Variants in PTPRQ observed in about 807,000 individuals in gnomAD.
PTPRQ encodes the protein phosphatidylinositol phosphatase PTPRQ.
PTPRQ carries 199 observed loss-of-function variants against 246.0 expected under a neutral mutation model. That is an observed-to-expected ratio of 0.81 (90% CI 0.72 to 0.91). The LOEUF (loss-of-function observed/expected upper bound fraction) is 0.91. Among genes scored for constraint, PTPRQ ranks in the 40% least tolerant of loss-of-function variants. The pLI, the probability that PTPRQ is intolerant of heterozygous loss-of-function variation, is 0.00. For missense variants in PTPRQ, 2,624 were observed against 2,528.4 expected, an observed-to-expected ratio of 1.04 and a Z score of -0.81; for synonymous variants, 869 against 853.2, an observed-to-expected ratio of 1.02 and a Z score of -0.32.
chr12:80,540,331 C>G (rs978759583), intron 20 of PTPRQ, among the ~76,000 whole-genome samples: 2 of 152,192 alleles, frequency 1.3e-5, no homozygotes, highest in Admixed American at 1.3e-4. Context: ...CAGGACTCTG[C>G]AGCACATCTC....
chr12:80,653,997 A>G (rs768960686), intron 38 of PTPRQ, among the ~76,000 whole-genome samples: 3 of 150,558 alleles, frequency 2.0e-5, no homozygotes, highest in Non-Finnish European at 3.0e-5. Flanking sequence ...AACATTCATA[A>G]TTTCTTTTTC....
intron 43 of PTPRQ, among the ~76,000 whole-genome samples, chr12:80,678,017 TGCAATG>T (rs1901201101): frequency 6.6e-6 from 1 of 152,204 alleles, no homozygotes; most frequent in South Asian, 2.1e-4. Context: ...AACATTCAGA[TGCAATG>T]GTAGGAGTCC....
intron 27 of PTPRQ, among the ~76,000 whole-genome samples, chr12:80,606,252 C>T (rs1374552010): frequency 6.6e-6 from 1 of 150,728 alleles, no homozygotes; most frequent in African/African-American, 2.4e-5. Flanking sequence ...TCTGGATTTC[C>T]AGATTTGGGT....
intron 25 of PTPRQ, among the ~76,000 whole-genome samples, chr12:80,557,581 A>G (rs1896680634): frequency 6.6e-6 from 1 of 152,078 alleles, no homozygotes; most frequent in South Asian, 2.1e-4. Context: ...TCACAAAACA[A>G]TTTTTAAACA....
At chr12:80,556,643 C>A (rs1896654751) in intron 25 of PTPRQ, among the ~76,000 whole-genome samples, 2 of 152,022 alleles carry the variant, frequency 1.3e-5, no homozygotes, top group Non-Finnish European at 2.9e-5. Flanking sequence ...AAAGAACATT[C>A]CTCTTTTATT....
At chr12:80,514,447 G>A (rs191283752) in intron 17 of PTPRQ, among the ~76,000 whole-genome samples, 5 of 141,316 alleles carry the variant, frequency 3.5e-5, no homozygotes, top group African/African-American at 7.8e-5. Flanking sequence ...TGTTCATTGC[G>A]GTATTTAAAA....
rs1901241704 is a variant in PTPRQ, at chr12:80,679,208, A to G, written c.*185A>G. The G allele has an allele frequency of 1.7e-6, 1 of 592,470 alleles. No individual in the cohort carries two copies. Among genetic ancestry groups the G allele is most frequent in the African/African-American group, 1.9e-5 (1 of 52,132 alleles). 36.7% of individuals were successfully genotyped at this position (592,470 alleles called of 1,614,324 possible). A position where few individuals can be genotyped will look rare whatever the true frequency, so the allele number is the denominator to read the frequency against. ...TGAAAATAGCTAATACAGAATAATT[A>G]TTTGTTTTGTACAGAATAAATATTA... On this transcript the variant is annotated 3_prime_UTR_variant, in exon 45 of 45. Coordinates refer to ENST00000644991, the MANE Select transcript of PTPRQ (RefSeq NM_001145026.2).
chr12:80,661,036 T>C (rs1329863206), intron 39 of PTPRQ, among the ~76,000 whole-genome samples: 1 of 151,854 alleles, frequency 6.6e-6, no homozygotes, highest in Non-Finnish European at 1.5e-5. Flanking sequence ...TCAGTCTTCA[T>C]GATCTTACTA....
chr12:80,498,942 T>C (rs78393080), intron 14 of PTPRQ, among the ~76,000 whole-genome samples: 2,863 of 152,142 alleles, frequency 0.019, 91 homozygotes, highest in African/African-American at 0.066. Flanking sequence ...ATGAGTTTAA[T>C]TCAAAGGCAG....
At chr12:80,585,740 T>TA (rs1420347376) in intron 25 of PTPRQ, among the ~76,000 whole-genome samples, 6 of 152,042 alleles carry the variant, frequency 3.9e-5, no homozygotes, top group Non-Finnish European at 8.8e-5. Flanking sequence ...TCTTTTTTTT[T>TA]TTATTATTAT....
intron 25 of PTPRQ, among the ~76,000 whole-genome samples, chr12:80,556,514 G>A (rs757570152): frequency 1.3e-5 from 2 of 152,100 alleles, no homozygotes; most frequent in Non-Finnish European, 1.5e-5. Context: ...CTTGAATTTC[G>A]TAGACAAGTA....
chr12:80,649,517 G>C (rs1592758047), intron 36 of PTPRQ, 71 bp from the exon 37 acceptor site: 1 of 1,496,730 alleles, frequency 6.7e-7, no homozygotes, highest in African/African-American at 1.4e-5. Flanking sequence ...TAAAAGTGAA[G>C]CCAGTGCCAA....
intron 25 of PTPRQ, among the ~76,000 whole-genome samples, chr12:80,576,642 T>G (rs1897285744): frequency 6.6e-6 from 1 of 152,080 alleles, no homozygotes. Context: ...CTTATCTGTT[T>G]CTTCTGACCT....
At chr12:80,678,882 C>G in intron 44 of PTPRQ, 104 bp from the exon 45 acceptor site, 3 of 1,441,178 alleles carry the variant, frequency 2.1e-6, no homozygotes, top group Non-Finnish European at 2.7e-6. Context: ...CCAAGTTGGG[C>G]TAATAATACC....
intron 3 of PTPRQ, among the ~76,000 whole-genome samples, chr12:80,453,239 A>G (rs1196328699): frequency 2.0e-5 from 3 of 151,892 alleles, no homozygotes; most frequent in Non-Finnish European, 2.9e-5. Flanking sequence ...GCACTTCTCT[A>G]TATTCGTTAT....
chr12:80,468,758 A>T lies in PTPRQ; in HGVS notation c.959A>T (p.Lys320Met). Residue 320 changes from lysine (K) to methionine (M), a missense_variant, in exon 7 of 45, where the codon AAG becomes ATG. Lys to Met is a moderately conservative substitution (Grantham distance 95). Coordinates refer to ENST00000644991, the MANE Select transcript of PTPRQ (RefSeq NM_001145026.2). ...QNCVTGNITG[K>M]SFSILWDPPT... ...TGCGTAACAGGCAACATCACAGGAA[A>T]GTCCTTTTCAATTTTATGGGACCCA... 1 of 1,550,316 alleles carries T rather than the reference A, an allele frequency of 6.5e-7. No individual in the cohort carries two copies. The highest frequency in any genetic ancestry group is 8.7e-7 in the Non-Finnish European group (1 of 1,146,366).
intron 17 of PTPRQ, among the ~76,000 whole-genome samples, chr12:80,520,036 G>C (rs550660460): frequency 1.2e-4 from 19 of 152,156 alleles, no homozygotes; most frequent in African/African-American, 4.6e-4. Flanking sequence ...GGTGGGGATT[G>C]GGGGGGATAC....
chr12:80,639,691 T>C (rs7135329), intron 35 of PTPRQ, among the ~76,000 whole-genome samples: 9,290 of 152,302 alleles, frequency 0.061, 360 homozygotes, highest in South Asian at 0.19. Flanking sequence ...ATTCTACATA[T>C]GTACTTTGTA....
rs75467328 is a variant in PTPRQ at position 80,624,435 on chromosome 12, G to T, written c.5686+2301G>T. On this transcript the variant is annotated intron_variant, in intron 33 of 44. Transcript: ENST00000644991. ...ACAGCAGCTTTGTTAATTGGCCTTT[G>T]CCCTACAGTGCTTATTCTGGATTGA... 9.2e-3 allele frequency among the ~76,000 whole-genome samples: 1,405 copies of T among 152,278 alleles called. 30 individuals are homozygous for T. Among genetic ancestry groups the T allele is most frequent in the African/African-American group, 0.031 (1,308 of 41,552 alleles).
Sources: allele counts gnomAD v4.1 joint callset (sites outside exome capture counted in the v4.1 genomes callset), GRCh38; gene constraint gnomAD v4.1.1; transcripts MANE v1.5; gene names NCBI Gene and HGNC (gene_info 2026-07-23, HGNC 2026-07-21).